The following IARS2 variants were observed in gnomAD, a reference collection of about 807,000 sequenced individuals.
IARS2 encodes the protein isoleucine--tRNA ligase, mitochondrial.
Under a neutral mutation model 126.3 loss-of-function variants are expected in IARS2, and 56 were observed. The observed-to-expected ratio is 0.44, with a 90% CI of 0.36 to 0.55. The LOEUF (loss-of-function observed/expected upper bound fraction) is 0.55, where lower values mean the gene tolerates loss of function less well. Among genes scored for constraint, IARS2 ranks in the 20% least tolerant of loss-of-function variants. IARS2 has a pLI of 0.00. For missense variants in IARS2, 1,127 were observed against 1,245.9 expected (o/e 0.90, Z 1.44); for synonymous variants, 407 against 441.1 (o/e 0.92, Z 0.97).
chr1:220,095,353 T>A (rs1656416822), intron 1 of IARS2, among the ~76,000 whole-genome samples: 1 of 152,248 alleles, frequency 6.6e-6, no homozygotes, highest in African/African-American at 2.4e-5. Context: ...CTGAACTTTC[T>A]AAGAGCAGAG....
At position 220,102,367 on chromosome 1, in the gene IARS2, TG is replaced by T; in HGVS notation, c.706del (p.Val236PhefsTer36). ...RTFYQMYDKGLVYRSYKPVFW... is the reference protein window; with the variant it reads ...RTFYQMYDKGXVYRSYKPVFW... ...TCATATTTTTGTCTTTTATAGGGCT[TG>T]GTTTATCGATCTTACAAACCTGTGT... On this transcript the variant is annotated frameshift_variant, in exon 5 of 23. Coordinates refer to ENST00000366922, the MANE Select transcript of IARS2 (RefSeq NM_018060.4). LOFTEE classifies it high-confidence loss of function. 6.2e-7 allele frequency: 1 copy of T among 1,613,812 alleles called. No homozygotes were observed. The highest frequency in any genetic ancestry group is 1.6e-4 in the Middle Eastern group (1 of 6,062).
At chr1:220,127,523 A>G (rs1657178793) in intron 14 of IARS2, among the ~76,000 whole-genome samples, 5 of 152,250 alleles carry the variant, frequency 3.3e-5, no homozygotes, top group Admixed American at 3.3e-4. Flanking sequence ...GTGAAAAGAT[A>G]GAGTTCAAAT....
intron 1 of IARS2, among the ~76,000 whole-genome samples, chr1:220,095,876 G>A (rs750474122): frequency 1.3e-5 from 2 of 152,180 alleles, no homozygotes; most frequent in Non-Finnish European, 2.9e-5. Flanking sequence ...AAAGAGTTTA[G>A]ACTTCAATCT....
At chr1:220,110,719 T>C in intron 10 of IARS2, 67 bp from the exon 11 acceptor site, 1 of 1,256,872 alleles carries the variant, frequency 8.0e-7, no homozygotes, top group Non-Finnish European at 1.1e-6. Context: ...TCTGGAAGTT[T>C]AGAGCATTTT....
chr1:220,107,163 A>G lies in IARS2; in HGVS notation c.1327+12A>G. 1 of 1,557,822 alleles carries G rather than the reference A, an allele frequency of 6.4e-7. No homozygotes were observed. Among genetic ancestry groups the G allele is most frequent in the Non-Finnish European group, 8.9e-7 (1 of 1,128,812 alleles). ...GGGAACTGATGTGGGTGAGCATCAT[A>G]TCTGTTGATATCATACATGTTTTCT... On this transcript the variant is annotated intron_variant, in intron 10 of 22. Transcript: ENST00000366922.
chr1:220,129,961 T>A (rs750101568), intron 14 of IARS2, among the ~76,000 whole-genome samples: 13 of 152,208 alleles, frequency 8.5e-5, no homozygotes, highest in Non-Finnish European at 1.3e-4. Context: ...CTGTACTAAT[T>A]TACATTCCCA....
intron 12 of IARS2, chr1:220,118,179 G>A: frequency 2.0e-6 from 1 of 504,682 alleles, no homozygotes; most frequent in South Asian, 1.5e-5. Flanking sequence ...AAAAGTAACA[G>A]CATCTCCACT....
intron 8 of IARS2, among the ~76,000 whole-genome samples, chr1:220,103,916 G>A (rs1249502149): frequency 3.9e-5 from 6 of 152,268 alleles, no homozygotes; most frequent in Non-Finnish European, 1.5e-5. Flanking sequence ...TTTTAATAAA[G>A]GATTGAATAA....
intron 12 of IARS2, chr1:220,118,295 A>G (rs1434413113): frequency 2.0e-5 from 7 of 357,904 alleles, no homozygotes; most frequent in Admixed American, 4.4e-5. Flanking sequence ...CGATATCTCT[A>G]AGTATACTTG....
At chr1:220,134,301 T>G in intron 14 of IARS2, 101 bp from the exon 15 acceptor site, 1 of 786,776 alleles carries the variant, frequency 1.3e-6, no homozygotes, top group Non-Finnish European at 1.9e-6. Context: ...TAAAGTTACT[T>G]CCCTTCCTCC....
chr1:220,121,345 T>A (rs1657047936), intron 12 of IARS2, among the ~76,000 whole-genome samples: 1 of 152,184 alleles, frequency 6.6e-6, no homozygotes, highest in Non-Finnish European at 1.5e-5. Flanking sequence ...CAAAATTACA[T>A]TTCTTATATT....
chr1:220,104,863 A>G (rs1458363718), intron 8 of IARS2, among the ~76,000 whole-genome samples: 3 of 152,086 alleles, frequency 2.0e-5, no homozygotes, highest in African/African-American at 2.4e-5. Flanking sequence ...TAGGTATGAT[A>G]TATCTTTTAA....
rs150320733 is a variant in IARS2, at chr1:220,134,028, T to G, written c.1838-374T>G. 2.9e-3 allele frequency among the ~76,000 whole-genome samples: 440 copies of G among 152,318 alleles called. 3 individuals are homozygous for G. Among genetic ancestry groups the G allele is most frequent in the African/African-American group, 9.7e-3 (405 of 41,574 alleles). The stretch of plus-strand genomic sequence containing the variant: ...GTCTCTCTAGTTCTTGTTCTGTGTC[T>G]TTCATGACATTTCATGACATTGCTT... On this transcript the variant is annotated intron_variant, in intron 14 of 22. Transcript: ENST00000366922.
At chr1:220,130,723 A>G (rs1325089120) in intron 14 of IARS2, among the ~76,000 whole-genome samples, 4 of 151,942 alleles carry the variant, frequency 2.6e-5, no homozygotes, top group Non-Finnish European at 5.9e-5. Flanking sequence ...ACGCCTGGCT[A>G]ATTTTTTGTA....
intron 13 of IARS2, 66 bp from the exon 14 acceptor site, chr1:220,126,684 G>T: frequency 8.9e-7 from 1 of 1,121,056 alleles, no homozygotes; most frequent in East Asian, 2.4e-5. Flanking sequence ...GACTTTTGGG[G>T]TACAGTATTT....
intron 8 of IARS2, among the ~76,000 whole-genome samples, chr1:220,104,103 A>G: frequency 6.6e-6 from 1 of 152,182 alleles, no homozygotes; most frequent in East Asian, 1.9e-4. Flanking sequence ...CCACCCAAGT[A>G]GCTGGGACTA....
chr1:220,121,009 A>G (rs1383531940), intron 12 of IARS2, among the ~76,000 whole-genome samples: 1 of 152,212 alleles, frequency 6.6e-6, no homozygotes, highest in African/African-American at 2.4e-5. Flanking sequence ...TTAATGAGAT[A>G]AAGCTTCTTC....
intron 14 of IARS2, among the ~76,000 whole-genome samples, chr1:220,127,426 G>A (rs1657177001): frequency 6.6e-6 from 1 of 152,204 alleles, no homozygotes; most frequent in African/African-American, 2.4e-5. Context: ...GAGACGTTGG[G>A]CAGGAATTAG....
chr1:220,120,996 C>G (rs1027996483), intron 12 of IARS2, among the ~76,000 whole-genome samples: 1 of 152,112 alleles, frequency 6.6e-6, no homozygotes, highest in Non-Finnish European at 1.5e-5. Context: ...GAGACTTGCT[C>G]TCTTAATGAG....
Sources: gnomAD v4.1 joint callset for allele counts (sites outside exome capture counted in the v4.1 genomes callset) on GRCh38, gnomAD v4.1.1 for gene constraint, MANE v1.5 for transcripts, NCBI Gene and HGNC (gene_info 2026-07-23, HGNC 2026-07-21) for gene names.